FRMD6: variants seen among roughly 807,000 people sequenced by gnomAD.
FRMD6 encodes the protein FERM domain-containing protein 6.
Under a neutral mutation model 73.2 loss-of-function variants are expected in FRMD6, and 37 were observed. The observed-to-expected ratio is 0.51, with a 90% CI of 0.39 to 0.66. FRMD6 has a LOEUF of 0.66. FRMD6 is among the 30% of genes least tolerant of loss of function. The pLI is 0.00. For missense variants in FRMD6, 714 were observed against 780.5 expected, an observed-to-expected ratio of 0.91 and a Z score of 1.02; for synonymous variants, 273 against 282.2, an observed-to-expected ratio of 0.97 and a Z score of 0.33.
chr14:51,436,742 G>A, the FRMD6 span: 13 of 538,038 alleles, frequency 2.4e-5, no homozygotes, highest in East Asian at 3.9e-5. Context: ...CTTGGTTTCC[G>A]ATATGGATGA....
chr14:51,586,663 G>C (rs1406287862), intron 2 of FRMD6, among the ~76,000 whole-genome samples: 1 of 152,052 alleles, frequency 6.6e-6, no homozygotes, highest in African/African-American at 2.4e-5. Context: ...GCAATGTCTA[G>C]AAGAATATTT....
chr14:51,648,562 T>A (rs1449277979), upstream of FRMD6, among the ~76,000 whole-genome samples: 1 of 152,238 alleles, frequency 6.6e-6, no homozygotes, highest in African/African-American at 2.4e-5. Flanking sequence ...CTCAACCAAC[T>A]TGTTCTCAGG....
At chr14:51,649,593 C>T (rs1183795791), upstream of FRMD6, 1 of 152,010 alleles carries the variant, frequency 6.6e-6, no homozygotes, top group Non-Finnish European at 1.5e-5. Context: ...TCAGTAGGTA[C>T]CAAATTAATT....
chr14:51,667,490 T>C (rs1376118672), intron 1 of FRMD6, among the ~76,000 whole-genome samples: 1 of 152,242 alleles, frequency 6.6e-6, no homozygotes, highest in Non-Finnish European at 1.5e-5. Flanking sequence ...AAATGTTTTA[T>C]GTATTTTCTT....
intron 1 of FRMD6, among the ~76,000 whole-genome samples, chr14:51,675,412 G>C (rs1188472005): frequency 6.6e-6 from 1 of 151,834 alleles, no homozygotes; most frequent in Non-Finnish European, 1.5e-5. Flanking sequence ...GCTTTGTTAG[G>C]ATAGAAGTGT....
the FRMD6 span, among the ~76,000 whole-genome samples, chr14:51,481,087 C>CA: frequency 2.2e-4 from 33 of 152,258 alleles, no homozygotes; most frequent in East Asian, 5.8e-3. Context: ...CAGGGAGTAT[C>CA]ACACTTACCC....
chr14:51,455,719 A>G, the FRMD6 span, among the ~76,000 whole-genome samples: 1 of 152,302 alleles, frequency 6.6e-6, no homozygotes, highest in African/African-American at 2.4e-5. Context: ...CATAGAATTT[A>G]GGAAATTTGG....
chr14:51,623,531 C>T lies in FRMD6; in HGVS notation c.-147+53121C>T, dbSNP rs60436618. On this transcript the variant is annotated intron_variant, in intron 2 of 14. Transcript: ENST00000356218. ...GAAAGGACACACAGATTTTCTCATGCTTCTCTGTGTTTGGACATGCTGTTT... is the reference window on the plus strand; with the variant it reads ...GAAAGGACACACAGATTTTCTCATGTTTCTCTGTGTTTGGACATGCTGTTT... Among the ~76,000 whole-genome samples, 1,255 of 152,266 alleles carry T rather than the reference C, an allele frequency of 8.2e-3. 22 individuals are homozygous for T. The highest frequency in any genetic ancestry group is 0.027 in the African/African-American group (1,110 of 41,542).
chr14:51,618,056 T>C (rs949546217), intron 2 of FRMD6, among the ~76,000 whole-genome samples: 2 of 152,178 alleles, frequency 1.3e-5, no homozygotes, highest in Admixed American at 1.3e-4. Flanking sequence ...ATTATATATA[T>C]GGAATTATAT....
At chr14:51,574,948 A>G (rs1319725066) in intron 2 of FRMD6, among the ~76,000 whole-genome samples, 1 of 152,222 alleles carries the variant, frequency 6.6e-6, no homozygotes, top group Admixed American at 6.5e-5. Context: ...CTATAAATAT[A>G]TACACATAGT....
chr14:51,430,610 AAAC>A, the FRMD6 span, among the ~76,000 whole-genome samples: 1 of 152,080 alleles, frequency 6.6e-6, no homozygotes, highest in African/African-American at 2.4e-5. Context: ...ATAAAAAAAA[AAAC>A]AAAAAACAAC....
At chr14:51,551,329 C>T (rs1019855968) in intron 1 of FRMD6, among the ~76,000 whole-genome samples, 5 of 152,000 alleles carry the variant, frequency 3.3e-5, no homozygotes, top group African/African-American at 7.2e-5. Flanking sequence ...ATAGGTTCAT[C>T]GTAGAAGAAA....
chr14:51,444,894 A>G, the FRMD6 span, among the ~76,000 whole-genome samples: 19 of 152,284 alleles, frequency 1.2e-4, no homozygotes, highest in South Asian at 6.2e-4. Context: ...GCAGCTCCTC[A>G]GAGCTGTTCC....
intron 2 of FRMD6, among the ~76,000 whole-genome samples, chr14:51,579,515 T>C (rs1053176850): frequency 5.9e-5 from 9 of 152,198 alleles, no homozygotes; most frequent in African/African-American, 2.2e-4. Context: ...TCACCAATAA[T>C]GTGTTTATTT....
chr14:51,408,357 T>C, the FRMD6 span, among the ~76,000 whole-genome samples: 1 of 152,104 alleles, frequency 6.6e-6, no homozygotes, highest in African/African-American at 2.4e-5. Flanking sequence ...TGTTTTCTCC[T>C]TATTTTCTCT....
chr14:51,398,969 C>T, the FRMD6 span, among the ~76,000 whole-genome samples: 2 of 152,166 alleles, frequency 1.3e-5, no homozygotes, highest in Non-Finnish European at 1.5e-5. Flanking sequence ...TCTCCAGGAT[C>T]GGGCCCTAGC....
the FRMD6 span, among the ~76,000 whole-genome samples, chr14:51,476,936 C>A: frequency 2.0e-5 from 3 of 152,116 alleles, no homozygotes; most frequent in African/African-American, 7.2e-5. Context: ...AGAAATCAAA[C>A]CAGTAAAGTA....
intron 7 of FRMD6, among the ~76,000 whole-genome samples, chr14:51,708,987 C>A (rs1195663250): frequency 6.6e-6 from 1 of 152,118 alleles, no homozygotes; most frequent in Non-Finnish European, 1.5e-5. Flanking sequence ...CAAATAACAA[C>A]TGGGGCCATG....
At chr14:51,516,898 C>G (rs1884666410) in intron 1 of FRMD6, among the ~76,000 whole-genome samples, 1 of 152,154 alleles carries the variant, frequency 6.6e-6, no homozygotes, top group African/African-American at 2.4e-5. Flanking sequence ...AGTTCCTTGC[C>G]TCTTTTAATC....
Sources: gnomAD v4.1 joint callset for allele counts (sites outside exome capture counted in the v4.1 genomes callset) on GRCh38, gnomAD v4.1.1 for gene constraint, MANE v1.5 for transcripts, NCBI Gene and HGNC (gene_info 2026-07-23, HGNC 2026-07-21) for gene names.